Variants in MYCBPAP observed in about 807,000 individuals in gnomAD.
The protein encoded by MYCBPAP is MYCBP associated protein.
In MYCBPAP, 60 loss-of-function variants were observed where a neutral mutation model predicts 106.1. The ratio of observed to expected loss-of-function variants is 0.57; its 90% confidence interval spans 0.46 to 0.70. MYCBPAP has a LOEUF of 0.70. Among genes scored for constraint, MYCBPAP ranks in the 30% least tolerant of loss-of-function variants. MYCBPAP has a pLI of 0.00. For synonymous variants in MYCBPAP, 407 were observed against 440.6 expected (o/e 0.92, Z 0.95); for missense variants, 1,064 against 1,169.3 (o/e 0.91, Z 1.31).
Position 50,519,681 on chromosome 17 carries a change from G to A in MYCBPAP, c.810G>A (p.Leu270=), listed in dbSNP as rs142306318. 1.9e-5 allele frequency: 31 copies of A among 1,614,026 alleles called. No homozygotes were observed. Among genetic ancestry groups the A allele is most frequent in the Non-Finnish European group, 2.5e-5 (29 of 1,180,040 alleles). ...NSGFWSRLEY[L]GDEMTGLVMT... Reference sequence around the variant, plus strand: ...GGTTCTGGAGTCGACTGGAATACTTGGGAGATGAGATGACAGGTCTGGTCA... The same window carrying A: ...GGTTCTGGAGTCGACTGGAATACTTAGGAGATGAGATGACAGGTCTGGTCA... The change falls in exon 7 of 19, where the codon TTG becomes TTA. Residue 270 remains leucine (L), a synonymous_variant. Coordinates refer to ENST00000323776, the MANE Select transcript of MYCBPAP (RefSeq NM_032133.6).
chr17:50,522,552 G>A (rs2034296376), intron 10 of MYCBPAP: 2 of 152,932 alleles, frequency 1.3e-5, no homozygotes, highest in African/African-American at 4.9e-5. Context: ...AAAATAGCAG[G>A]GCGTGGTGGT....
At chr17:50,513,261 C>T (rs928406616) in intron 1 of MYCBPAP, among the ~76,000 whole-genome samples, 1 of 149,280 alleles carries the variant, frequency 6.7e-6, no homozygotes, top group African/African-American at 2.5e-5. Context: ...GTGGCGCATG[C>T]CTGTATTCCC....
intron 1 of MYCBPAP, chr17:50,510,499 G>GTGTATGTATGTATGTGTATATA (rs1418345705): frequency 1.3e-5 from 1 of 76,414 alleles, no homozygotes; most frequent in African/African-American, 4.6e-5. Context: ...GTGTGTGTGT[G>GTGTATGTATGTATGTGTATATA]TATATATATA....
At chr17:50,523,823 T>C in intron 12 of MYCBPAP, 39 bp downstream of exon 12, 1 of 1,568,210 alleles carries the variant, frequency 6.4e-7, no homozygotes, top group Middle Eastern at 1.8e-4. Context: ...GGACATCAGG[T>C]AGGGTATCCT....
At chr17:50,512,759 G>T (rs3986420) in intron 1 of MYCBPAP, among the ~76,000 whole-genome samples, 90,363 of 152,014 alleles carry the variant, frequency 0.59, 29,135 homozygotes, top group African/African-American at 0.86. Flanking sequence ...AAGCACTCTC[G>T]AGGAGCAATT....
intron 18 of MYCBPAP, chr17:50,529,446 G>T: frequency 4.4e-6 from 2 of 450,124 alleles, no homozygotes; most frequent in Admixed American, 3.4e-5. Context: ...AACCCACAAA[G>T]ATTTGAAGGG....
intron 12 of MYCBPAP, among the ~76,000 whole-genome samples, chr17:50,524,476 G>A (rs1014706531): frequency 2.0e-5 from 3 of 152,054 alleles, no homozygotes; most frequent in Non-Finnish European, 2.9e-5. Flanking sequence ...CGCCCCTCCC[G>A]TGTTTCTGTG....
At chr17:50,511,645 G>T (rs773412434) in intron 1 of MYCBPAP, among the ~76,000 whole-genome samples, 1 of 152,140 alleles carries the variant, frequency 6.6e-6, no homozygotes, top group Non-Finnish European at 1.5e-5. Flanking sequence ...TGACTACCCC[G>T]TGCAAGCGGG....
intron 12 of MYCBPAP, among the ~76,000 whole-genome samples, chr17:50,524,238 T>C (rs1404237438): frequency 6.6e-6 from 1 of 152,076 alleles, no homozygotes. Flanking sequence ...CTCGAGTGAG[T>C]GTGAGGTGGG....
chr17:50,511,309 C>G (rs2033839323), intron 1 of MYCBPAP, among the ~76,000 whole-genome samples: 1 of 152,050 alleles, frequency 6.6e-6, no homozygotes, highest in Non-Finnish European at 1.5e-5. Context: ...CCCTCCCTTC[C>G]TGCTATGCAC....
chr17:50,524,814 C>A (rs2034401160), intron 12 of MYCBPAP, 63 bp from the exon 13 acceptor site: 1 of 1,563,082 alleles, frequency 6.4e-7, no homozygotes, highest in African/African-American at 1.4e-5. Flanking sequence ...GCTCCAACTT[C>A]CTGAAGGATG....
intron 7 of MYCBPAP, 91 bp from the exon 8 acceptor site, chr17:50,521,019 T>C: frequency 2.0e-6 from 2 of 976,208 alleles, no homozygotes; most frequent in Non-Finnish European, 3.1e-6. Flanking sequence ...AGAAATGGTG[T>C]TGGGATAGGC....
intron 1 of MYCBPAP, among the ~76,000 whole-genome samples, chr17:50,515,211 C>A (rs1410154009): frequency 7.1e-6 from 1 of 140,806 alleles, no homozygotes; most frequent in African/African-American, 3.1e-5. Context: ...TCCCTGACTC[C>A]CCCACCTCCC....
In MYCBPAP at chr17:50,528,811, A is replaced by G. The variant is rs2034541735; in HGVS notation, c.2524A>G (p.Lys842Glu). 1 of 1,613,844 alleles carries G rather than the reference A, an allele frequency of 6.2e-7. No homozygotes were observed. Among genetic ancestry groups the G allele is most frequent in the African/African-American group, 1.3e-5 (1 of 74,922 alleles). Residue 842 changes from lysine to glutamate, a missense_variant, in exon 17 of 19, where the codon AAG becomes GAG. Physicochemically the swap from Lys to Glu is moderately conservative, Grantham distance 56. Transcript: ENST00000323776. ...ACTGGGGATCAAAGACAAAGAAGAC[A>G]AGAAAGGAGCCAAGCTGCTCGGGAA... ...KQLGIKDKED[K>E]KGAKLLGKED...
chr17:50,515,009 G>A (rs1441890326), intron 1 of MYCBPAP: 2 of 320,542 alleles, frequency 6.2e-6, no homozygotes, highest in Non-Finnish European at 1.3e-5. Context: ...CTGTCTCTGG[G>A]CTCTGCCTCT....
In MYCBPAP at chr17:50,522,057, C is replaced by A; in HGVS notation, c.1233C>A (p.Ile411=). The change falls in exon 10 of 19, where the codon ATC becomes ATA. Residue 411 remains isoleucine, a synonymous_variant. Coordinates refer to ENST00000323776, the MANE Select transcript of MYCBPAP (RefSeq NM_032133.6). ...TCTGTGGGAAGCCAGCTTGCTGGAT[C>A]AGAGGCAGTAATCCACAGGACAAGG... is the stretch of plus-strand genomic sequence containing the variant. ...LLFCGKPACW[I]RGSNPQDKRQ... The A allele has an allele frequency of 6.2e-7, 1 of 1,613,940 alleles. No homozygotes were observed. Among genetic ancestry groups the A allele is most frequent in the South Asian group, 1.1e-5 (1 of 91,050 alleles).
intron 18 of MYCBPAP, chr17:50,530,451 C>T (rs990083230): frequency 1.9e-5 from 3 of 154,028 alleles, no homozygotes; most frequent in South Asian, 1.3e-4. Flanking sequence ...GCCGAGATCA[C>T]GCCATTTCAC....
intron 6 of MYCBPAP, 100 bp downstream of exon 6, chr17:50,519,189 A>G: frequency 1.2e-6 from 1 of 809,200 alleles, no homozygotes; most frequent in East Asian, 2.6e-5. Flanking sequence ...CAGGTGGCAC[A>G]GCTGGGGAGA....
chr17:50,529,792 G>A (rs1387216412), intron 18 of MYCBPAP: 2 of 456,560 alleles, frequency 4.4e-6, no homozygotes, highest in East Asian at 6.9e-5. Context: ...CGTTCCTTGG[G>A]AGAACACCAT....
Sources: allele counts gnomAD v4.1 joint callset (sites outside exome capture counted in the v4.1 genomes callset), GRCh38; gene constraint gnomAD v4.1.1; transcripts MANE v1.5; gene names NCBI Gene and HGNC (gene_info 2026-07-23, HGNC 2026-07-21).